Variants in FASTKD2 observed in about 807,000 individuals in gnomAD.
FASTKD2 encodes FAST kinase domain-containing protein 2, mitochondrial.
FASTKD2 carries 51 observed loss-of-function variants against 63.6 expected under a neutral mutation model. The observed-to-expected ratio is 0.80, with a 90% CI of 0.64 to 1.01. The LOEUF is 1.01. Ranked by LOEUF, FASTKD2 falls within the 50% of genes least tolerant of loss-of-function variation. The pLI is 0.00. For synonymous variants in FASTKD2, 284 were observed against 293.4 expected (o/e 0.97, Z 0.33); for missense variants, 786 against 831.1 (o/e 0.95, Z 0.67).
chr2:206,788,232 T>A, intron 9 of FASTKD2, 77 bp downstream of exon 9: 1 of 1,036,810 alleles, frequency 9.6e-7, no homozygotes, highest in South Asian at 1.4e-5. Flanking sequence ...AATAGGTATT[T>A]GTGGCAGCAG....
At chr2:206,786,079 C>A (rs952161869) in intron 7 of FASTKD2, among the ~76,000 whole-genome samples, 2 of 152,138 alleles carry the variant, frequency 1.3e-5, no homozygotes, top group Admixed American at 6.5e-5. Flanking sequence ...TTTTATATAA[C>A]TATATGTATC....
intron 7 of FASTKD2, among the ~76,000 whole-genome samples, chr2:206,776,090 A>C (rs1346857653): frequency 3.3e-5 from 5 of 151,466 alleles, no homozygotes; most frequent in African/African-American, 7.2e-5. Flanking sequence ...TATTTTTGCT[A>C]TTCAGTTACA....
chr2:206,787,184 G>T (rs1690159938), intron 8 of FASTKD2, among the ~76,000 whole-genome samples: 1 of 152,106 alleles, frequency 6.6e-6, no homozygotes, highest in Non-Finnish European at 1.5e-5. Context: ...AAGGCTAACT[G>T]TTCAGGCTGT....
In FASTKD2 at chr2:206,793,220, C is replaced by CAAAAAAAAAAAAAAAAAAAAAAAAAAAAA. The variant is rs58656956; in HGVS notation, c.*1421_*1449dup. On this transcript the variant is annotated 3_prime_UTR_variant, in exon 12 of 12. Transcript: ENST00000402774. ...CTGACCACAGAGCGAGACTCTGTCTCAAAAAAAAAAAAAAAAAAAAAAAAA... is the reference window on the plus strand; with the variant it reads ...CTGACCACAGAGCGAGACTCTGTCTCAAAAAAAAAAAAAAAAAAAAAAAAAAAAAAAAAAAAAAAAAAAAAAAAAAAAAA... Among the ~76,000 whole-genome samples, 1 of 65,822 alleles carries CAAAAAAAAAAAAAAAAAAAAAAAAAAAAA rather than the reference C, an allele frequency of 1.5e-5. No homozygotes were observed. Among genetic ancestry groups the CAAAAAAAAAAAAAAAAAAAAAAAAAAAAA allele is most frequent in the Non-Finnish European group, 2.8e-5 (1 of 36,092 alleles). 43.2% of individuals were successfully genotyped at this position (65,822 alleles called of 152,430 possible).
rs765423619 is a variant in FASTKD2 at position 206,767,150 on chromosome 2, C to G, written c.457C>G (p.Arg153Gly). The G allele has an allele frequency of 6.2e-7, 1 of 1,614,084 alleles. No homozygotes were observed. Among genetic ancestry groups the G allele is most frequent in the Non-Finnish European group, 8.5e-7 (1 of 1,179,970 alleles). Residue 153 changes from arginine (R) to glycine (G), a missense_variant, in exon 2 of 12, where the codon CGT (arginine) becomes GGT (glycine). Arg to Gly is a moderately radical substitution (Grantham distance 125, BLOSUM62 -2). Transcript: ENST00000402774. Reference protein sequence around the residue: ...DVLTKETKPNRISSRKLSEEC... With the variant: ...DVLTKETKPNGISSRKLSEEC... ...TCTTACCAAGGAAACAAAACCAAAC[C>G]GTATCAGCAGTAGAAAACTGTCTGA...
At chr2:206,780,876 C>T (rs995034259) in intron 7 of FASTKD2, among the ~76,000 whole-genome samples, 3 of 152,214 alleles carry the variant, frequency 2.0e-5, no homozygotes, top group Middle Eastern at 3.4e-3. Flanking sequence ...CTTTTGCTTG[C>T]TGAAATATGC....
chr2:206,789,941 A>C (rs909156408), intron 10 of FASTKD2: 6 of 152,480 alleles, frequency 3.9e-5, no homozygotes, highest in Admixed American at 1.3e-4. Flanking sequence ...TATAACAGCC[A>C]GAGTATAGGT....
At chr2:206,777,203 C>T (rs914109698) in intron 7 of FASTKD2, among the ~76,000 whole-genome samples, 26 of 152,006 alleles carry the variant, frequency 1.7e-4, no homozygotes, top group Non-Finnish European at 3.5e-4. Flanking sequence ...CTAAGATTTC[C>T]AGTACCTTGT....
Position 206,771,225 on chromosome 2 carries a change from A to G in FASTKD2, c.925A>G (p.Thr309Ala). The G allele has an allele frequency of 3.1e-6, 5 of 1,611,700 alleles. No homozygotes were observed. The highest frequency in any genetic ancestry group is 4.2e-6 in the Non-Finnish European group (5 of 1,177,868). ...AGTTTGGAAAATAGAAGATGTCTTC[A>G]CATTACAAGTTGTGATGAAGTGTAT... ...QQVWKIEDVFTLQVVMKCIGK... is the reference protein window; with the variant it reads ...QQVWKIEDVFALQVVMKCIGK... The change falls in exon 4 of 12, where the codon ACA (threonine) becomes GCA (alanine). Residue 309 changes from threonine (T) to alanine (A), a missense_variant. Thr to Ala is a moderately conservative substitution (Grantham distance 58). Transcript: ENST00000402774.
rs1322565690 is a variant in FASTKD2, at chr2:206,794,771, T to A, written c.*2969T>A. ...TGGACCTCAAATGCAATTGAACTATTCATATCAAGTATTTCCAAATAACAA... is the reference window on the plus strand; with the variant it reads ...TGGACCTCAAATGCAATTGAACTATACATATCAAGTATTTCCAAATAACAA... On this transcript the variant is annotated 3_prime_UTR_variant, in exon 12 of 12. Coordinates refer to ENST00000402774, the MANE Select transcript of FASTKD2 (RefSeq NM_001136193.2). 6.6e-6 allele frequency among the ~76,000 whole-genome samples: 1 copy of A among 152,238 alleles called. No homozygotes were observed. The highest frequency in any genetic ancestry group is 2.4e-5 in the African/African-American group (1 of 41,458).
At chr2:206,783,340 C>T (rs1690044408) in intron 7 of FASTKD2, 1 of 153,220 alleles carries the variant, frequency 6.5e-6, no homozygotes, top group South Asian at 2.1e-4. Flanking sequence ...GTCAGTAAGT[C>T]TGTCTCTGCT....
chr2:206,771,423 A>G, intron 4 of FASTKD2, 133 bp downstream of exon 4: 1 of 681,270 alleles, frequency 1.5e-6, no homozygotes, highest in Non-Finnish European at 2.7e-6. Context: ...AAGTGAATGA[A>G]TAGAAGTACC....
chr2:206,766,245 G>T (rs894959681), intron 1 of FASTKD2, among the ~76,000 whole-genome samples: 28 of 96,330 alleles, frequency 2.9e-4, no homozygotes, highest in African/African-American at 1.2e-3. Flanking sequence ...GGGGGACATA[G>T]CAAGACTTTG....
rs1247018474 is a variant in FASTKD2 at position 206,790,986 on chromosome 2, C to A, written c.2013+300C>A. On this transcript the variant is annotated intron_variant, in intron 11 of 11. Transcript: ENST00000402774. ...ATTTTCATATTTAAGATACACAAAA[C>A]CATATTTAATTTCCAGGTTATCTTG... The A allele has an allele frequency of 1.8e-5, 6 of 324,704 alleles. No individual in the cohort carries two copies. In the East Asian group the frequency reaches 4.4e-4, roughly 24 times the overall value. The allele number at this position is 324,704 out of a possible 1,614,324, so 20.1% of individuals were successfully genotyped here. A position where few individuals can be genotyped will look rare whatever the true frequency, so the allele number is the denominator to read the frequency against.
At chr2:206,790,735 C>A in intron 11 of FASTKD2, 49 bp downstream of exon 11, 1 of 1,073,090 alleles carries the variant, frequency 9.3e-7, no homozygotes, top group Non-Finnish European at 1.5e-6. Context: ...GATGTACATT[C>A]TAACAGCTGC....
Position 206,795,512 on chromosome 2 carries a change from C to T in FASTKD2, c.*3710C>T, listed in dbSNP as rs550284931. Reference sequence around the variant, plus strand: ...CCTTCCAAAGTGCTGGGATTATAGGCGTGAGCCACCACCCCCGGTCCAAGA... The same window carrying T: ...CCTTCCAAAGTGCTGGGATTATAGGTGTGAGCCACCACCCCCGGTCCAAGA... On this transcript the variant is annotated 3_prime_UTR_variant, in exon 12 of 12. Coordinates refer to ENST00000402774, the MANE Select transcript of FASTKD2 (RefSeq NM_001136193.2). Among the ~76,000 whole-genome samples, 348 of 152,284 alleles carry T rather than the reference C, an allele frequency of 2.3e-3. 1 individual carries two copies. Among genetic ancestry groups the T allele is most frequent in the Non-Finnish European group, 4.1e-3 (277 of 68,010 alleles).
Position 206,786,743 on chromosome 2 carries a change from G to T in FASTKD2, c.1438G>T (p.Glu480Ter). Residue 480 changes from glutamate (E) to a stop codon, truncating the protein, a stop_gained, in exon 8 of 12, where the codon GAA becomes TAA. Transcript: ENST00000402774. LOFTEE classifies it high-confidence loss of function. ...TTCTTTGTTCCCCAGACAGTTCGTG[G>T]AAGTTATGGCTAGTGCTCTGACTGG... ...YKCQNKEQFV[E>*]VMASALTGYL... The T allele has an allele frequency of 1.2e-6, 2 of 1,613,882 alleles. No individual in the cohort carries two copies. The highest frequency in any genetic ancestry group is 1.7e-6 in the Non-Finnish European group (2 of 1,179,794).
At chr2:206,770,908 C>T (rs904563283) in intron 3 of FASTKD2, among the ~76,000 whole-genome samples, 1 of 152,004 alleles carries the variant, frequency 6.6e-6, no homozygotes, top group Non-Finnish European at 1.5e-5. Flanking sequence ...AAACTTAACT[C>T]CCTTTGACAT....
In FASTKD2 at chr2:206,772,307, G is replaced by T. The variant is rs1313346134; in HGVS notation, c.1241G>T (p.Trp414Leu). The change falls in exon 6 of 12, where the codon TGG becomes TTG. Residue 414 changes from tryptophan (W) to leucine (L), a missense_variant. Transcript: ENST00000402774. ...ADYVAATFDI[W>L]KFRKVLFILI... ...TATGTGGCTGCAACTTTCGACATCT[G>T]GAAGTTCAGAAAAGTGAGTACATTA... 6.2e-7 allele frequency: 1 copy of T among 1,613,790 alleles called. No homozygotes were observed. Among genetic ancestry groups the T allele is most frequent in the African/African-American group, 1.3e-5 (1 of 74,882 alleles).
Sources: allele counts gnomAD v4.1 joint callset (sites outside exome capture counted in the v4.1 genomes callset), GRCh38; gene constraint gnomAD v4.1.1; transcripts MANE v1.5; gene names NCBI Gene and HGNC (gene_info 2026-07-23, HGNC 2026-07-21).